The following DCDC2 variants were observed in gnomAD, a reference collection of about 807,000 sequenced individuals.
DCDC2 encodes the protein doublecortin domain containing 2.
In DCDC2, 40 loss-of-function variants were observed where a neutral mutation model predicts 50.2. That is an observed-to-expected ratio of 0.80 (90% CI 0.62 to 1.04). The LOEUF (loss-of-function observed/expected upper bound fraction) is 1.04, where lower values mean the gene tolerates loss of function less well. DCDC2 is among the 50% of genes least tolerant of loss of function. DCDC2 has a pLI of 0.00. For missense variants in DCDC2, 570 were observed against 581.9 expected (o/e 0.98, Z 0.21); for synonymous variants, 234 against 210.6 (o/e 1.11, Z -0.96).
chr6:24,357,744 C>T lies in DCDC2; in HGVS notation c.7G>A (p.Gly3Ser). MSGSSARSSHLSQ... is the reference protein window; with the variant it reads MSSSSARSSHLSQ... ...AGGTGGCTGGACCTGGCGCTGCTGC[C>T]GCTCATCTTCCCCGCTGGCCGCCGC... The change falls in exon 1 of 10, where the codon GGC becomes AGC. Residue 3 changes from glycine (G) to serine (S), a missense_variant. Coordinates refer to ENST00000378454, the MANE Select transcript of DCDC2 (RefSeq NM_016356.5). 3.7e-6 allele frequency: 6 copies of T among 1,612,360 alleles called. No homozygotes were observed. Among genetic ancestry groups the T allele is most frequent in the Non-Finnish European group, 4.2e-6 (5 of 1,179,366 alleles).
chr6:24,343,682 C>T (rs1760202065), intron 2 of DCDC2, among the ~76,000 whole-genome samples: 1 of 152,210 alleles, frequency 6.6e-6, no homozygotes. Context: ...CTAAATTTCA[C>T]CTTCTGTATT....
At chr6:24,376,207 A>G in the DCDC2 span, among the ~76,000 whole-genome samples, 41 of 152,218 alleles carry the variant, frequency 2.7e-4, no homozygotes, top group Admixed American at 2.7e-3. Context: ...TGTGGCTACA[A>G]GTAAAACCTG....
intron 8 of DCDC2, among the ~76,000 whole-genome samples, chr6:24,204,264 A>G (rs1761657880): frequency 6.6e-6 from 1 of 152,204 alleles, no homozygotes; most frequent in African/African-American, 2.4e-5. Context: ...TAGACTGGAT[A>G]AAGAAAATAT....
the DCDC2 span, among the ~76,000 whole-genome samples, chr6:24,367,236 C>T: frequency 6.6e-6 from 1 of 152,176 alleles, no homozygotes; most frequent in Non-Finnish European, 1.5e-5. Flanking sequence ...GGGAAGTAAG[C>T]AAGCACTAAA....
chr6:24,249,041 A>C (rs1044960026), intron 7 of DCDC2, among the ~76,000 whole-genome samples: 2 of 152,204 alleles, frequency 1.3e-5, no homozygotes, highest in Non-Finnish European at 2.9e-5. Context: ...TCAGGTGACC[A>C]TAATTTCCAA....
At chr6:24,343,627 A>T (rs1404689024) in intron 2 of DCDC2, among the ~76,000 whole-genome samples, 1 of 152,222 alleles carries the variant, frequency 6.6e-6, no homozygotes, top group Non-Finnish European at 1.5e-5. Flanking sequence ...CAAAAGCTTG[A>T]TATACCTTGG....
intron 7 of DCDC2, among the ~76,000 whole-genome samples, chr6:24,208,593 A>C (rs1761779564): frequency 6.6e-6 from 1 of 150,802 alleles, no homozygotes; most frequent in Non-Finnish European, 1.5e-5. Flanking sequence ...CTGGTCTCGA[A>C]CTCCAACCTC....
intron 9 of DCDC2, among the ~76,000 whole-genome samples, chr6:24,176,366 T>A (rs10946681): frequency 1.3e-5 from 2 of 151,888 alleles, no homozygotes; most frequent in Non-Finnish European, 2.9e-5. Flanking sequence ...CTTATTTGAA[T>A]TCCCAAGAAT....
intron 8 of DCDC2, among the ~76,000 whole-genome samples, chr6:24,182,317 T>C (rs1761092638): frequency 6.6e-6 from 1 of 152,078 alleles, no homozygotes; most frequent in Non-Finnish European, 1.5e-5. Context: ...TGGGACTTCA[T>C]AAAAATTTTA....
upstream of DCDC2, among the ~76,000 whole-genome samples, chr6:24,358,950 A>ATT (rs1561788653): frequency 7.0e-4 from 44 of 62,482 alleles, no homozygotes; most frequent in African/African-American, 2.3e-3. Context: ...TATATTATAT[A>ATT]TTATATATTA....
At chr6:24,219,565 G>T (rs1351460508) in intron 7 of DCDC2, among the ~76,000 whole-genome samples, 1 of 152,132 alleles carries the variant, frequency 6.6e-6, no homozygotes, top group African/African-American at 2.4e-5. Context: ...CAACTAGTGG[G>T]GTTATTTTTA....
At chr6:24,325,269 T>C (rs1460119024) in intron 2 of DCDC2, among the ~76,000 whole-genome samples, 2 of 149,582 alleles carry the variant, frequency 1.3e-5, no homozygotes, top group African/African-American at 4.8e-5. Flanking sequence ...CTGTGATCCG[T>C]TTTTATGTTA....
chr6:24,291,063 T>C lies in DCDC2; in HGVS notation c.573A>G (p.Glu191=), dbSNP rs1362943414. The C allele has an allele frequency of 6.2e-7, 1 of 1,612,756 alleles. No homozygotes were observed. The highest frequency in any genetic ancestry group is 8.5e-7 in the Non-Finnish European group (1 of 1,179,660). Residue 191 remains glutamate, a synonymous_variant, in exon 5 of 10, where the codon GAA becomes GAG. Coordinates refer to ENST00000378454, the MANE Select transcript of DCDC2 (RefSeq NM_016356.5). ...SGAVHRLYTL[E]GKLVESGAEL... ...CTGCTCCACTCTCAACAAGTTTTCC[T>C]TCTAAAGTATAAAGCCTGTCGAAAA... is the stretch of plus-strand genomic sequence containing the variant.
chr6:24,335,118 C>A (rs1263305816), intron 2 of DCDC2, among the ~76,000 whole-genome samples: 2 of 152,188 alleles, frequency 1.3e-5, no homozygotes, highest in African/African-American at 2.4e-5. Context: ...GTCATCTCAA[C>A]CCCACAGTCA....
intron 2 of DCDC2, among the ~76,000 whole-genome samples, chr6:24,350,726 T>A (rs1403841830): frequency 6.6e-6 from 1 of 152,176 alleles, no homozygotes; most frequent in Non-Finnish European, 1.5e-5. Flanking sequence ...CTAAATCCAC[T>A]TCAAAAATAA....
chr6:24,278,842 A>G (rs985531004), intron 6 of DCDC2, among the ~76,000 whole-genome samples: 1 of 152,234 alleles, frequency 6.6e-6, no homozygotes, highest in Non-Finnish European at 1.5e-5. Flanking sequence ...ATTCTCCAAT[A>G]TTAACGAGTC....
chr6:24,363,486 AT>A, the DCDC2 span, among the ~76,000 whole-genome samples: 6 of 152,192 alleles, frequency 3.9e-5, no homozygotes, highest in Non-Finnish European at 7.3e-5. Flanking sequence ...GGGTAACAGA[AT>A]AAGACCCTGT....
chr6:24,323,605 T>G (rs1179698432), intron 2 of DCDC2, among the ~76,000 whole-genome samples: 1 of 152,192 alleles, frequency 6.6e-6, no homozygotes, highest in African/African-American at 2.4e-5. Flanking sequence ...TAATGCTTAA[T>G]AGACCTTAAT....
chr6:24,222,997 G>A (rs996457819), intron 7 of DCDC2, among the ~76,000 whole-genome samples: 21 of 152,134 alleles, frequency 1.4e-4, no homozygotes, highest in Admixed American at 3.9e-4. Context: ...ATGGGTATGT[G>A]TGTATAAAAA....
Sources: gnomAD v4.1 joint callset for allele counts (sites outside exome capture counted in the v4.1 genomes callset) on GRCh38, gnomAD v4.1.1 for gene constraint, MANE v1.5 for transcripts, NCBI Gene and HGNC (gene_info 2026-07-23, HGNC 2026-07-21) for gene names.